Variants in HTR3B observed in about 807,000 individuals in gnomAD.
The protein encoded by HTR3B is 5-hydroxytryptamine (serotonin) receptor 3B, ionotropic.
A neutral mutation model predicts 42.8 loss-of-function variants in HTR3B; 44 were observed. The observed-to-expected ratio is 1.03, with a 90% confidence interval of 0.81 to 1.32. HTR3B has a LOEUF of 1.32. Among genes scored for constraint, HTR3B ranks in the 40% most tolerant of loss-of-function variants. The probability of loss-of-function intolerance (pLI) is 0.00; values close to 1 mark genes in which losing one functional copy is unlikely to be tolerated. For synonymous variants in HTR3B, 203 were observed against 209.0 expected (o/e 0.97, Z 0.25); for missense variants, 527 against 536.5 (o/e 0.98, Z 0.17).
chr11:113,925,239 G>A (rs117288585), intron 2 of HTR3B, among the ~76,000 whole-genome samples: 5,122 of 151,984 alleles, frequency 0.034, 149 homozygotes, highest in Admixed American at 0.058. Context: ...AATTAATTTC[G>A]TATACCCAGT....
chr11:113,945,822 A>T, intron 8 of HTR3B, 80 bp from the exon 9 acceptor site: 1 of 969,922 alleles, frequency 1.0e-6, no homozygotes, highest in Non-Finnish European at 1.6e-6. Flanking sequence ...TTGAAGGATG[A>T]GGCCATCAGC....
intron 1 of HTR3B, among the ~76,000 whole-genome samples, chr11:113,908,533 A>G (rs1949751855): frequency 6.6e-6 from 1 of 152,226 alleles, no homozygotes; most frequent in Admixed American, 6.5e-5. Flanking sequence ...TGCAATTCAG[A>G]GAAAGCCCTC....
chr11:113,947,620 C>T lies in HTR3B; in HGVS notation c.*1483C>T, dbSNP rs1950189856. Among the ~76,000 whole-genome samples, 1 of 152,116 alleles carries T rather than the reference C, an allele frequency of 6.6e-6. No homozygotes were observed. Among genetic ancestry groups the T allele is most frequent in the African/African-American group, 2.4e-5 (1 of 41,410 alleles). On this transcript the variant is annotated 3_prime_UTR_variant, in exon 9 of 9. Coordinates refer to ENST00000260191, the MANE Select transcript of HTR3B (RefSeq NM_006028.5). The stretch of plus-strand genomic sequence containing the variant: ...CCTCTGTGCATGCTCATGTCTGTGT[C>T]CAGATTTTCTCTTCTAACAAGGGCA...
chr11:113,903,428 CTTT>C (rs57289369), upstream of HTR3B, among the ~76,000 whole-genome samples: 27 of 121,072 alleles, frequency 2.2e-4, no homozygotes, highest in Admixed American at 5.3e-4. Context: ...CTTTTCTTTT[CTTT>C]TTTTTTTTTT....
At position 113,909,409 on chromosome 11, in the gene HTR3B, C is replaced by T. The variant is rs766977687; in HGVS notation, c.167C>T (p.Ala56Val). ...EVRPVYNWTK[A>V]TTVYLDLFVH... is the part of the protein sequence containing the mutation. ...AGACCTGTTTACAACTGGACCAAGGCCACCACAGTCTACCTGGACCTGTTC... is the reference window on the plus strand; with the variant it reads ...AGACCTGTTTACAACTGGACCAAGGTCACCACAGTCTACCTGGACCTGTTC... The change falls in exon 2 of 9, where the codon GCC becomes GTC. Residue 56 changes from alanine to valine, a missense_variant. By Grantham distance (64) the Ala-to-Val change is moderately conservative. Transcript: ENST00000260191. 19 of 1,614,058 alleles carry T rather than the reference C, an allele frequency of 1.2e-5. No individual in the cohort carries two copies. Among genetic ancestry groups the T allele is most frequent in the Non-Finnish European group, 1.7e-6 (2 of 1,179,914 alleles).
intron 2 of HTR3B, among the ~76,000 whole-genome samples, chr11:113,920,761 T>TACTAAAAAGCCTAGTCTTA (rs1949904224): frequency 6.6e-6 from 1 of 152,194 alleles, no homozygotes; most frequent in Non-Finnish European, 1.5e-5. Context: ...AAATACCTCT[T>TACTAAAAAGCCTAGTCTTA]ACTAAAAAGC....
chr11:113,900,102 A>T (rs888555988), upstream of HTR3B, among the ~76,000 whole-genome samples: 3 of 152,076 alleles, frequency 2.0e-5, no homozygotes, highest in African/African-American at 7.2e-5. Flanking sequence ...TACTAACAAT[A>T]CAAAAATTAG....
chr11:113,901,486 T>C (rs1464552633), upstream of HTR3B, among the ~76,000 whole-genome samples: 3 of 148,638 alleles, frequency 2.0e-5, no homozygotes, highest in African/African-American at 7.4e-5. Flanking sequence ...GTAAACAAAG[T>C]CCAGACAGGA....
At chr11:113,938,657 A>G (rs1950109919) in intron 6 of HTR3B, among the ~76,000 whole-genome samples, 1 of 152,238 alleles carries the variant, frequency 6.6e-6, no homozygotes, top group African/African-American at 2.4e-5. Context: ...AGATAATAAA[A>G]ACAAAAAATT....
rs1421312713 is a variant in HTR3B, at chr11:113,947,582, T to C, written c.*1445T>C. Reference sequence around the variant, plus strand: ...AGGTTGCTGACTTCTTGCTTTGTTTTCACATGACCTTTCCTCTGTGCATGC... The same window carrying C: ...AGGTTGCTGACTTCTTGCTTTGTTTCCACATGACCTTTCCTCTGTGCATGC... On this transcript the variant is annotated 3_prime_UTR_variant, in exon 9 of 9. Transcript: ENST00000260191. Among the ~76,000 whole-genome samples, 1 of 152,214 alleles carries C rather than the reference T, an allele frequency of 6.6e-6. No individual in the cohort carries two copies. The highest frequency in any genetic ancestry group is 1.5e-5 in the Non-Finnish European group (1 of 68,044).
chr11:113,934,418 GAAAGAAAGAAGGAAAGAAAGAAAGAAA>G (rs1288670166), intron 6 of HTR3B, among the ~76,000 whole-genome samples: 7 of 143,826 alleles, frequency 4.9e-5, no homozygotes, highest in African/African-American at 7.7e-5. Flanking sequence ...AAAAAAGAAA[GAAAGAAAGAAGGAAAGAAAGAAAGAAA>G]AAAGAAAGAA....
intron 6 of HTR3B, among the ~76,000 whole-genome samples, chr11:113,938,130 C>T (rs966451936): frequency 1.3e-5 from 2 of 152,122 alleles, no homozygotes; most frequent in Non-Finnish European, 2.9e-5. Context: ...CACTCTACTC[C>T]AGTATGACCT....
At chr11:113,905,533 G>T (rs1459799703) in intron 1 of HTR3B, among the ~76,000 whole-genome samples, 1 of 152,034 alleles carries the variant, frequency 6.6e-6, no homozygotes, top group East Asian at 1.9e-4. Flanking sequence ...ACTATAAACT[G>T]GTAAGTTTTG....
At chr11:113,921,726 G>A (rs567266209) in intron 2 of HTR3B, among the ~76,000 whole-genome samples, 15 of 152,032 alleles carry the variant, frequency 9.9e-5, no homozygotes, top group East Asian at 3.9e-4. Flanking sequence ...CAAGTGTATC[G>A]AATTGAAAAT....
intron 2 of HTR3B, among the ~76,000 whole-genome samples, chr11:113,929,993 C>A (rs1950016847): frequency 6.6e-6 from 1 of 152,192 alleles, no homozygotes; most frequent in Non-Finnish European, 1.5e-5. Context: ...GCCTCAGCCT[C>A]CCAAACTGCT....
chr11:113,904,322 G>A (rs530627298), upstream of HTR3B, among the ~76,000 whole-genome samples: 34 of 152,286 alleles, frequency 2.2e-4, no homozygotes, highest in Middle Eastern at 3.4e-3. Flanking sequence ...TTTATCAAAA[G>A]TCAATGTTTC....
chr11:113,930,755 G>A lies in HTR3B; in HGVS notation c.214-629G>A, dbSNP rs1030710471. Among the ~76,000 whole-genome samples the A allele has an allele frequency of 5.3e-5, 8 of 152,118 alleles. No homozygotes were observed. The East Asian group carries it at 1.5e-3, about 29-fold the overall frequency. On this transcript the variant is annotated intron_variant, in intron 2 of 8. Transcript: ENST00000260191. ...TCCTCCTGTCTTGGCCTCCAAAAATGTGGAATCACAGGGACGAACCACTGT... is the reference window on the plus strand; with the variant it reads ...TCCTCCTGTCTTGGCCTCCAAAAATATGGAATCACAGGGACGAACCACTGT...
At chr11:113,932,113 CTGTCACTGAAAAGCTCATCTT>C (rs1451922647) in intron 4 of HTR3B, among the ~76,000 whole-genome samples, 155 bp from the exon 5 acceptor site, 1 of 152,196 alleles carries the variant, frequency 6.6e-6, no homozygotes, top group African/African-American at 2.4e-5. Context: ...ACTTACGAGG[CTGTCACTGAAAAGCTCATCTT>C]TGCCAGGGTG....
intron 6 of HTR3B, among the ~76,000 whole-genome samples, chr11:113,941,224 A>G (rs1950132373): frequency 6.6e-6 from 1 of 152,200 alleles, no homozygotes; most frequent in African/African-American, 2.4e-5. Flanking sequence ...AGGGTCCAGA[A>G]TACTCATTTG....
Sources: gnomAD v4.1 joint callset for allele counts (sites outside exome capture counted in the v4.1 genomes callset) on GRCh38, gnomAD v4.1.1 for gene constraint, MANE v1.5 for transcripts, NCBI Gene and HGNC (gene_info 2026-07-23, HGNC 2026-07-21) for gene names.